ZFP14: variants seen among roughly 807,000 people sequenced by gnomAD.
ZFP14 encodes ZFP14 zinc finger protein.
In ZFP14, 22 loss-of-function variants were observed where a neutral mutation model predicts 54.5. The observed-to-expected ratio is 0.40, with a 90% CI of 0.29 to 0.58. ZFP14 has a LOEUF of 0.58. Ranked by LOEUF, ZFP14 falls within the 20% of genes least tolerant of loss-of-function variation. ZFP14 has a pLI of 0.39. For synonymous variants in ZFP14, 159 were observed against 204.0 expected (o/e 0.78, Z 1.88); for missense variants, 470 against 637.8 (o/e 0.74, Z 2.83).
At chr19:36,343,829 T>G (rs547658638) in intron 4 of ZFP14, among the ~76,000 whole-genome samples, 57 of 152,232 alleles carry the variant, frequency 3.7e-4, no homozygotes, top group African/African-American at 1.1e-3. Flanking sequence ...CAGGTGTCTC[T>G]TTTGCTTCTT....
Position 36,340,417 on chromosome 19 carries a change from T to A in ZFP14, c.1409A>T (p.His470Leu). 1.2e-6 allele frequency: 2 copies of A among 1,614,180 alleles called. No individual in the cohort carries two copies. The highest frequency in any genetic ancestry group is 1.7e-6 in the Non-Finnish European group (2 of 1,180,026). The part of the protein sequence containing the change: ...PFRLLSQLTQ[H>L]QSIHTGEKPY... The stretch of plus-strand genomic sequence containing the variant: ...TTTCTCACCAGTGTGAATACTCTGA[T>A]GTTGGGTAAGTTGTGAGAGCAGTCT... The change falls in exon 5 of 5, where the codon CAT becomes CTT. Residue 470 changes from histidine (H) to leucine (L), a missense_variant. Physicochemically the swap from His to Leu is moderately conservative, Grantham distance 99 (BLOSUM62 -3). Transcript: ENST00000270001. This position sits in a 1 kb window ranked among gnomAD's most constrained non-coding sequence, Gnocchi z 5.4.
In ZFP14 at chr19:36,350,752, T is replaced by TA. The variant is rs889752840; in HGVS notation, c.236-9163dup. Among the ~76,000 whole-genome samples, 87 of 140,850 alleles carry TA rather than the reference T, an allele frequency of 6.2e-4. 13 individuals are homozygous for TA. The highest frequency in any genetic ancestry group is 1.6e-3 in the South Asian group (7 of 4,430). 92.4% of individuals were successfully genotyped at this position (140,850 alleles called of 152,430 possible). Reference sequence around the variant, plus strand: ...AATTAGGCACACCACAGTAATCTGTTAAAAAAAAATCCAAAAGCAGCTAAC... The same window carrying TA: ...AATTAGGCACACCACAGTAATCTGTTAAAAAAAAAATCCAAAAGCAGCTAAC... On this transcript the variant is annotated intron_variant, in intron 4 of 4. Transcript: ENST00000270001.
chr19:36,377,806 A>G (rs2031986576), intron 1 of ZFP14, among the ~76,000 whole-genome samples: 1 of 152,084 alleles, frequency 6.6e-6, no homozygotes, highest in Non-Finnish European at 1.5e-5. Context: ...ACATCGTGCC[A>G]CTGCACTCCA....
At chr19:36,349,268 A>AAAAAAG (rs2031481591) in intron 4 of ZFP14, among the ~76,000 whole-genome samples, 4 of 146,006 alleles carry the variant, frequency 2.7e-5, no homozygotes, top group Non-Finnish European at 6.0e-5. Context: ...AAAAAAAAAA[A>AAAAAAG]AACAGGAAGA....
intron 4 of ZFP14, among the ~76,000 whole-genome samples, chr19:36,342,235 C>T (rs2031333276): frequency 7.5e-6 from 1 of 133,414 alleles, no homozygotes; most frequent in Admixed American, 8.8e-5. Flanking sequence ...GGCTGGAGTG[C>T]AGTGGCACAA....
chr19:36,362,379 T>A, intron 2 of ZFP14, 141 bp from the exon 3 acceptor site: 2 of 773,876 alleles, frequency 2.6e-6, no homozygotes, highest in Non-Finnish European at 3.9e-6. Flanking sequence ...GTGACATGAG[T>A]AGGGGCCAGT....
rs1226113202 is a variant in ZFP14, at chr19:36,360,532, T to G, written c.138A>C (p.Gly46=). The change falls in exon 4 of 5, where the codon GGA becomes GGC. Residue 46 remains glycine (G), a splice_region_variant and synonymous_variant. Transcript: ENST00000270001. ...TCACATCTGGTTTAGAAATGGAAGG[T>G]CCTGCTTAAAAGAAAAATGTGACAT... The part of the protein sequence containing the change: ...WENYSNFISL[G]PSISKPDVIT... 1 of 1,608,862 alleles carries G rather than the reference T, an allele frequency of 6.2e-7. No individual in the cohort carries two copies. Among genetic ancestry groups the G allele is most frequent in the Non-Finnish European group, 8.5e-7 (1 of 1,178,042 alleles).
At chr19:36,375,702 T>C (rs1244260393) in intron 1 of ZFP14, among the ~76,000 whole-genome samples, 1 of 151,688 alleles carries the variant, frequency 6.6e-6, no homozygotes, top group East Asian at 1.9e-4. Context: ...GGACTACAGG[T>C]GCCCGCCACC....
intron 1 of ZFP14, among the ~76,000 whole-genome samples, chr19:36,369,609 C>G (rs1600084471): frequency 6.6e-6 from 1 of 151,990 alleles, no homozygotes; most frequent in African/African-American, 2.4e-5. Context: ...CAGGGTTTCA[C>G]CATGTTGCCC....
At chr19:36,358,937 A>T (rs1246824172) in intron 4 of ZFP14, among the ~76,000 whole-genome samples, 1 of 152,168 alleles carries the variant, frequency 6.6e-6, no homozygotes, top group African/African-American at 2.4e-5. Context: ...CTTTATAAGA[A>T]GAAGAGAGGC....
chr19:36,372,143 GA>G (rs2031889813), intron 1 of ZFP14, among the ~76,000 whole-genome samples: 1 of 151,724 alleles, frequency 6.6e-6, no homozygotes, highest in Non-Finnish European at 1.5e-5. Flanking sequence ...AAGGAAAAAA[GA>G]AAGAGGAAAG....
At chr19:36,349,677 A>AT (rs761012551) in intron 4 of ZFP14, among the ~76,000 whole-genome samples, 6,655 of 145,220 alleles carry the variant, frequency 0.046, 190 homozygotes, top group Non-Finnish European at 0.064. Context: ...AAAACAAAAA[A>AT]AAAATATATA....
intron 4 of ZFP14, among the ~76,000 whole-genome samples, chr19:36,354,910 AT>A (rs979680241): frequency 7.0e-6 from 1 of 142,854 alleles, no homozygotes; most frequent in African/African-American, 2.6e-5. Context: ...GCCTCAAGTG[AT>A]CCTCCCACCT....
At position 36,340,338 on chromosome 19, in the gene ZFP14, A is replaced by G. The variant is rs1481736172; in HGVS notation, c.1488T>C (p.Thr496=). The change falls in exon 5 of 5, where the codon ACT becomes ACC. Residue 496 remains threonine, a synonymous_variant. Transcript: ENST00000270001. This position sits in a 1 kb window ranked among gnomAD's most constrained non-coding sequence, Gnocchi z 5.4. ...GKAFRLYSFL[T]QHQRIHTGEK... is the part of the protein sequence containing the mutation. The stretch of plus-strand genomic sequence containing the variant: ...CACCAGTATGAATTCTCTGGTGTTG[A>G]GTAAGAAATGAATAAAGTCTAAAAG... The G allele has an allele frequency of 1.2e-6, 2 of 1,614,118 alleles. No individual in the cohort carries two copies. Among genetic ancestry groups the G allele is most frequent in the South Asian group, 2.2e-5 (2 of 91,074 alleles).
rs2031743085 is a variant in ZFP14 at position 36,363,432 on chromosome 19, T to G, written c.10-1194A>C. ...GGATGGCCTCGATTTCCTGACCTCG[T>G]GATCCGCCCGCCTCGGCTTCCCAAA... On this transcript the variant is annotated intron_variant, in intron 2 of 4. Transcript: ENST00000270001. 2.6e-5 allele frequency among the ~76,000 whole-genome samples: 4 copies of G among 151,860 alleles called. No homozygotes were observed. In the South Asian group the frequency reaches 8.3e-4, roughly 32 times the overall value.
rs1356698122 is a variant in ZFP14, at chr19:36,356,163, AGTAGCTC to A, written c.235+4265_235+4271del. ...ACAAGAAATTAATGGGGCTGGGCGC[AGTAGCTC>A]ATGCCTCTAATCCTAGCACTTTGGG... On this transcript the variant is annotated intron_variant, in intron 4 of 4. Coordinates refer to ENST00000270001, the MANE Select transcript of ZFP14 (RefSeq NM_020917.3). 3.4e-4 allele frequency among the ~76,000 whole-genome samples: 34 copies of A among 100,972 alleles called. 2 individuals carry two copies. Among genetic ancestry groups the A allele is most frequent in the East Asian group, 8.6e-4 (3 of 3,480 alleles). The allele number at this position is 100,972 out of a possible 152,430, so 66.2% of individuals were successfully genotyped here. A position where few individuals can be genotyped will look rare whatever the true frequency, so the allele number is the denominator to read the frequency against.
At chr19:36,358,045 G>GATCT (rs34306634) in intron 4 of ZFP14, among the ~76,000 whole-genome samples, 19,166 of 141,542 alleles carry the variant, frequency 0.14, 1,348 homozygotes, top group South Asian at 0.16. Flanking sequence ...GCCCGGCTCT[G>GATCT]ATCTATCTAT....
chr19:36,342,855 A>G (rs1285295782), intron 4 of ZFP14, among the ~76,000 whole-genome samples: 2 of 152,346 alleles, frequency 1.3e-5, no homozygotes, highest in Non-Finnish European at 2.9e-5. Context: ...CCTACTGAAC[A>G]TTATAAATAT....
chr19:36,344,614 T>G (rs1304656928), intron 4 of ZFP14, among the ~76,000 whole-genome samples: 1 of 152,138 alleles, frequency 6.6e-6, no homozygotes, highest in Non-Finnish European at 1.5e-5. Context: ...GGAACCGGGC[T>G]GCACAGCAGA....
Sources: gnomAD v4.1 joint callset for allele counts (sites outside exome capture counted in the v4.1 genomes callset) on GRCh38, gnomAD v4.1.1 for gene constraint, Gnocchi (gnomAD v3.1) non-coding constraint, MANE v1.5 for transcripts, NCBI Gene and HGNC (gene_info 2026-07-23, HGNC 2026-07-21) for gene names.